AKAP10: variants seen among roughly 807,000 people sequenced by gnomAD.
AKAP10 encodes A-kinase anchor protein 10, mitochondrial.
A neutral mutation model predicts 80.8 loss-of-function variants in AKAP10; 24 were observed. That is an observed-to-expected ratio of 0.30 (90% CI 0.22 to 0.42). The LOEUF is 0.42. Ranked by LOEUF, AKAP10 falls within the 10% of genes least tolerant of loss-of-function variation. AKAP10 has a pLI of 1.00. For missense variants in AKAP10, 661 were observed against 794.9 expected (o/e 0.83, Z 2.03); for synonymous variants, 291 against 277.7 (o/e 1.05, Z -0.48).
At chr17:19,913,297 C>T (rs1489896786) in intron 12 of AKAP10, among the ~76,000 whole-genome samples, 1 of 151,858 alleles carries the variant, frequency 6.6e-6, no homozygotes, top group Non-Finnish European at 1.5e-5. Context: ...GGACTACAAG[C>T]GCGTGCCACC....
At chr17:19,939,376 T>C (rs533318854) in intron 8 of AKAP10, among the ~76,000 whole-genome samples, 37 of 152,318 alleles carry the variant, frequency 2.4e-4, no homozygotes, top group Non-Finnish European at 4.4e-4. Context: ...CCATGGCTTC[T>C]GGGCCAATGC....
At chr17:19,906,260 T>C (rs1243324415) in intron 14 of AKAP10, 28 bp from the exon 15 acceptor site, 4 of 1,598,146 alleles carry the variant, frequency 2.5e-6, no homozygotes, top group Non-Finnish European at 3.4e-6. Context: ...AAGAAAATGG[T>C]AAGGTGCATT....
chr17:19,920,455 C>T (rs139976181), intron 11 of AKAP10, among the ~76,000 whole-genome samples: 66 of 152,258 alleles, frequency 4.3e-4, no homozygotes, highest in African/African-American at 1.5e-3. Flanking sequence ...GTAGGCCTTG[C>T]TCTAACAATG....
chr17:19,917,016 G>A (rs1437556214), intron 12 of AKAP10, among the ~76,000 whole-genome samples: 1 of 151,862 alleles, frequency 6.6e-6, no homozygotes, highest in East Asian at 1.9e-4. Flanking sequence ...TGTAACTCCA[G>A]CACTTTGCAA....
chr17:19,951,243 C>T (rs1361907674), intron 4 of AKAP10, among the ~76,000 whole-genome samples: 4 of 139,928 alleles, frequency 2.9e-5, no homozygotes, highest in African/African-American at 1.0e-4. Flanking sequence ...GGGGTCAGCC[C>T]CCGCCCGGCC....
chr17:19,927,345 C>T (rs139149755), intron 10 of AKAP10, among the ~76,000 whole-genome samples: 1 of 151,424 alleles, frequency 6.6e-6, no homozygotes, highest in Non-Finnish European at 1.5e-5. Flanking sequence ...AAAAAACAAA[C>T]AAACAAACAA....
intron 1 of AKAP10, among the ~76,000 whole-genome samples, chr17:19,974,896 C>A (rs575737193): frequency 6.6e-6 from 1 of 152,228 alleles, no homozygotes; most frequent in Non-Finnish European, 1.5e-5. Context: ...TGATCTCGAA[C>A]TGGCCTCAGG....
intron 2 of AKAP10, 117 bp from the exon 3 acceptor site, chr17:19,963,139 G>A: frequency 2.7e-6 from 2 of 749,996 alleles, no homozygotes; most frequent in Non-Finnish European, 3.9e-6. Flanking sequence ...TCTTAAGTCA[G>A]CATACTCAGC....
chr17:19,918,256 A>G (rs1341912816), intron 12 of AKAP10, among the ~76,000 whole-genome samples: 5 of 151,522 alleles, frequency 3.3e-5, no homozygotes, highest in Non-Finnish European at 1.5e-5. Context: ...AATAAGATAA[A>G]TGGCCAGACA....
chr17:19,933,639 T>A (rs566710232), intron 9 of AKAP10, among the ~76,000 whole-genome samples: 97 of 152,212 alleles, frequency 6.4e-4, no homozygotes, highest in Admixed American at 1.2e-3. Flanking sequence ...TTAATTTTAA[T>A]CGTGAAAATA....
Position 19,962,829 on chromosome 17 carries a change from T to TA in AKAP10, c.319+10dup. 1.9e-6 allele frequency: 3 copies of TA among 1,607,644 alleles called. No individual in the cohort carries two copies. The highest frequency in any genetic ancestry group is 1.7e-4 in the Middle Eastern group (1 of 6,032). On this transcript the variant is annotated intron_variant, in intron 3 of 14. Coordinates refer to ENST00000225737, the MANE Select transcript of AKAP10 (RefSeq NM_007202.4). ...TCTAATACAAGTTAATAAAAAATGA[T>TA]AGTTACTTACCCAGGTCACCAAAAT...
Position 19,910,873 on chromosome 17 carries a change from C to T in AKAP10, c.1835-895G>A, listed in dbSNP as rs138229776. On this transcript the variant is annotated intron_variant, in intron 12 of 14. Coordinates refer to ENST00000225737, the MANE Select transcript of AKAP10 (RefSeq NM_007202.4). ...CCTTAACTCCCTAGGATGTATAAGC[C>T]CACATCTGTAATCACATGCTGAGAA... is the stretch of plus-strand genomic sequence containing the variant. 2.6e-3 allele frequency among the ~76,000 whole-genome samples: 402 copies of T among 152,224 alleles called. 1 individual carries two copies. The highest frequency in any genetic ancestry group is 9.1e-3 in the African/African-American group (380 of 41,536).
At position 19,962,301 on chromosome 17, in the gene AKAP10, C is replaced by T. The variant is rs868032145; in HGVS notation, c.319+539G>A. On this transcript the variant is annotated intron_variant, in intron 3 of 14. Coordinates refer to ENST00000225737, the MANE Select transcript of AKAP10 (RefSeq NM_007202.4). ...ATACATACATACATACATATACACA[C>T]ACACACACACACACACACACACATA... 7.5e-5 allele frequency among the ~76,000 whole-genome samples: 11 copies of T among 146,390 alleles called. 1 individual carries two copies. Among genetic ancestry groups the T allele is most frequent in the Non-Finnish European group, 1.2e-4 (8 of 67,546 alleles).
chr17:19,917,580 C>T (rs1407967543), intron 12 of AKAP10, among the ~76,000 whole-genome samples: 2 of 152,210 alleles, frequency 1.3e-5, no homozygotes, highest in African/African-American at 2.4e-5. Flanking sequence ...GGCTCCAACA[C>T]TCCTTCCATC....
In AKAP10 at chr17:19,904,846, A is replaced by G. The variant is rs2042615888; in HGVS notation, c.*1381T>C. 3.3e-5 allele frequency: 5 copies of G among 152,072 alleles called. No individual in the cohort carries two copies. In the South Asian group the frequency reaches 1.0e-3, roughly 31 times the overall value. The allele number at this position is 152,072 out of a possible 1,614,324, so 9.4% of individuals were successfully genotyped here. A position where few individuals can be genotyped will look rare whatever the true frequency, so the allele number is the denominator to read the frequency against. Reference sequence around the variant, plus strand: ...TTAAGTACATGAATACTTCAGCTTTAAAAGAATAACAGAGGTGGTACATAG... The same window carrying G: ...TTAAGTACATGAATACTTCAGCTTTGAAAGAATAACAGAGGTGGTACATAG... On this transcript the variant is annotated 3_prime_UTR_variant, in exon 15 of 15. Coordinates refer to ENST00000225737, the MANE Select transcript of AKAP10 (RefSeq NM_007202.4).
At chr17:19,955,842 A>T (rs1233457096) in intron 4 of AKAP10, among the ~76,000 whole-genome samples, 1 of 152,160 alleles carries the variant, frequency 6.6e-6, no homozygotes, top group Non-Finnish European at 1.5e-5. Flanking sequence ...CTCAAAAAAA[A>T]AACAATTACA....
chr17:19,963,048 GAATT>G, intron 2 of AKAP10, 26 bp from the exon 3 acceptor site: 1 of 1,568,198 alleles, frequency 6.4e-7, no homozygotes, highest in Non-Finnish European at 8.7e-7. Flanking sequence ...AAATTGTTAA[GAATT>G]AAACACAATT....
intron 1 of AKAP10, among the ~76,000 whole-genome samples, chr17:19,975,530 C>G (rs1267725410): frequency 1.3e-5 from 2 of 152,302 alleles, no homozygotes; most frequent in Non-Finnish European, 2.9e-5. Flanking sequence ...AGGTCACCTG[C>G]TGAGTCCTCT....
rs1197664668 is a variant in AKAP10 at position 19,958,306 on chromosome 17, T to C, written c.585A>G (p.Thr195=). 1 of 1,614,188 alleles carries C rather than the reference T, an allele frequency of 6.2e-7. No homozygotes were observed. ...PVSPSKKHET[T]ASFLTDSLDK... is the part of the protein sequence containing the mutation. Reference sequence around the variant, plus strand: ...CAAGAGAATCAGTTAAAAAAGACGCTGTAGTTTCATGCTTTTTAGATGGAG... The same window carrying C: ...CAAGAGAATCAGTTAAAAAAGACGCCGTAGTTTCATGCTTTTTAGATGGAG... The change falls in exon 4 of 15, where the codon ACA becomes ACG. Residue 195 remains threonine, a synonymous_variant. Coordinates refer to ENST00000225737, the MANE Select transcript of AKAP10 (RefSeq NM_007202.4).
Sources: gnomAD v4.1 joint callset for allele counts (sites outside exome capture counted in the v4.1 genomes callset) on GRCh38, gnomAD v4.1.1 for gene constraint, MANE v1.5 for transcripts, NCBI Gene and HGNC (gene_info 2026-07-23, HGNC 2026-07-21) for gene names.